STAU2: variants seen among roughly 807,000 people sequenced by gnomAD.
STAU2 encodes the protein staufen double-stranded RNA binding protein 2.
A neutral mutation model predicts 65.9 loss-of-function variants in STAU2; 20 were observed. The observed-to-expected ratio is 0.30, with a 90% CI of 0.21 to 0.44. The LOEUF (loss-of-function observed/expected upper bound fraction) is 0.44. Ranked by LOEUF, STAU2 falls within the 20% of genes least tolerant of loss-of-function variation. STAU2 has a pLI of 1.00. For synonymous variants in STAU2, 232 were observed against 233.9 expected (o/e 0.99, Z 0.07); for missense variants, 558 against 683.9 (o/e 0.82, Z 2.05).
chr8:73,738,942 A>G (rs912070129), intron 2 of STAU2, among the ~76,000 whole-genome samples: 3 of 152,188 alleles, frequency 2.0e-5, no homozygotes, highest in Admixed American at 6.5e-5. Context: ...GTATAAAAAT[A>G]GTATGTATAT....
intron 13 of STAU2, chr8:73,527,595 A>C: frequency 4.6e-6 from 4 of 870,218 alleles, no homozygotes; most frequent in Non-Finnish European, 7.1e-6. Flanking sequence ...GTATTAAGGA[A>C]AGCAAAGCTG....
At chr8:73,471,387 T>C (rs1039656162) in intron 13 of STAU2, among the ~76,000 whole-genome samples, 1 of 151,534 alleles carries the variant, frequency 6.6e-6, no homozygotes, top group African/African-American at 2.4e-5. Context: ...GGCGTTTTAC[T>C]ATGTTGCCCA....
At chr8:73,654,495 T>C (rs1219773819) in intron 6 of STAU2, among the ~76,000 whole-genome samples, 1 of 150,916 alleles carries the variant, frequency 6.6e-6, no homozygotes, top group Non-Finnish European at 1.5e-5. Flanking sequence ...CTACAAAAAA[T>C]AAAAAATTAG....
intron 5 of STAU2, among the ~76,000 whole-genome samples, chr8:73,684,471 A>T (rs1818653131): frequency 6.6e-6 from 1 of 152,226 alleles, no homozygotes; most frequent in Admixed American, 6.5e-5. Context: ...AAGATGGATC[A>T]AAGACTTAAA....
chr8:73,614,561 G>A (rs1243200283), intron 8 of STAU2, among the ~76,000 whole-genome samples: 1 of 152,146 alleles, frequency 6.6e-6, no homozygotes, highest in Non-Finnish European at 1.5e-5. Flanking sequence ...AGAGTAATGA[G>A]TTATGGACCT....
At chr8:73,568,499 A>G (rs957556036) in intron 12 of STAU2, among the ~76,000 whole-genome samples, 3 of 152,160 alleles carry the variant, frequency 2.0e-5, no homozygotes. Flanking sequence ...GCTACTTGAA[A>G]GGCTGAGGCA....
chr8:73,421,506 T>C, intron 14 of STAU2, 41 bp from the exon 15 acceptor site: 1 of 1,528,474 alleles, frequency 6.5e-7, no homozygotes, highest in Non-Finnish European at 8.8e-7. Flanking sequence ...AGGCCTGGGG[T>C]TGCACATCTT....
intron 1 of STAU2, among the ~76,000 whole-genome samples, chr8:73,745,899 G>A (rs1022650959): frequency 6.6e-6 from 1 of 151,902 alleles, no homozygotes; most frequent in East Asian, 1.9e-4. Flanking sequence ...TCCCAGAGTG[G>A]CGTGCTTCTC....
chr8:73,715,514 C>T (rs1025593736), intron 3 of STAU2, among the ~76,000 whole-genome samples: 1 of 151,242 alleles, frequency 6.6e-6, no homozygotes, highest in Non-Finnish European at 1.5e-5. Context: ...TAATTTTCCC[C>T]TATTAGACTG....
chr8:73,531,271 A>C (rs555464449), intron 13 of STAU2, among the ~76,000 whole-genome samples: 1 of 152,314 alleles, frequency 6.6e-6, no homozygotes, highest in East Asian at 1.9e-4. Context: ...TTAGATTTTT[A>C]AAAACTAAAA....
chr8:73,607,692 A>T (rs1360974207), intron 9 of STAU2, among the ~76,000 whole-genome samples: 1 of 150,862 alleles, frequency 6.6e-6, no homozygotes, highest in Non-Finnish European at 1.5e-5. Flanking sequence ...AGCCAAGATC[A>T]CACCATTGCA....
intron 12 of STAU2, among the ~76,000 whole-genome samples, chr8:73,564,034 C>T (rs1372940966): frequency 6.6e-6 from 1 of 152,186 alleles, no homozygotes; most frequent in African/African-American, 2.4e-5. Flanking sequence ...ACTTTACCCA[C>T]ACCACCCCCC....
intron 13 of STAU2, among the ~76,000 whole-genome samples, chr8:73,545,833 G>A (rs1168066660): frequency 2.0e-5 from 3 of 147,120 alleles, no homozygotes; most frequent in Admixed American, 1.4e-4. Flanking sequence ...ATTTTTAGTA[G>A]AGACGGGGTT....
At chr8:73,423,661 G>A (rs1816571925) in intron 13 of STAU2, among the ~76,000 whole-genome samples, 1 of 152,178 alleles carries the variant, frequency 6.6e-6, no homozygotes, top group South Asian at 2.1e-4. Context: ...TCTGCCAAGA[G>A]CTCCTTTAGG....
intron 6 of STAU2, among the ~76,000 whole-genome samples, chr8:73,640,257 T>C (rs1038680512): frequency 5.3e-5 from 8 of 151,668 alleles, no homozygotes; most frequent in Non-Finnish European, 1.2e-4. Flanking sequence ...AAAATTAGAA[T>C]AAAATATACA....
At chr8:73,554,578 A>G (rs1047685135) in intron 12 of STAU2, among the ~76,000 whole-genome samples, 2 of 152,188 alleles carry the variant, frequency 1.3e-5, no homozygotes, top group African/African-American at 4.8e-5. Flanking sequence ...AGGGTATCTT[A>G]AATTTCCCTG....
At chr8:73,474,482 T>C (rs554015644) in intron 13 of STAU2, among the ~76,000 whole-genome samples, 1 of 152,316 alleles carries the variant, frequency 6.6e-6, no homozygotes, top group African/African-American at 2.4e-5. Flanking sequence ...CCTTCAACAC[T>C]TTCTACTCAC....
At chr8:73,496,047 T>C (rs1821402174) in intron 13 of STAU2, among the ~76,000 whole-genome samples, 1 of 151,618 alleles carries the variant, frequency 6.6e-6, no homozygotes, top group Non-Finnish European at 1.5e-5. Flanking sequence ...CCTCTTTCTT[T>C]GAAATCCAAT....
chr8:73,672,971 C>T, intron 6 of STAU2, 136 bp downstream of exon 6: 1 of 769,852 alleles, frequency 1.3e-6, no homozygotes, highest in South Asian at 5.0e-5. Context: ...TCCTTGTGAA[C>T]CTGCTTTATC....
Sources: gnomAD v4.1 joint callset for allele counts (sites outside exome capture counted in the v4.1 genomes callset) on GRCh38, gnomAD v4.1.1 for gene constraint, MANE v1.5 for transcripts, NCBI Gene and HGNC (gene_info 2026-07-23, HGNC 2026-07-21) for gene names.